NDST1: variants seen among roughly 807,000 people sequenced by gnomAD.
NDST1 encodes bifunctional heparan sulfate N-deacetylase/N-sulfotransferase 1.
NDST1 carries 35 observed loss-of-function variants against 92.8 expected under a neutral mutation model. The observed-to-expected ratio is 0.38, with a 90% confidence interval of 0.29 to 0.50. NDST1 has a LOEUF of 0.50. Ranked by LOEUF, NDST1 falls within the 20% of genes least tolerant of loss-of-function variation. The pLI, the probability that NDST1 is intolerant of heterozygous loss-of-function variation, is 0.94. For synonymous variants in NDST1, 493 were observed against 500.3 expected (o/e 0.99, Z 0.19); for missense variants, 822 against 1,182.7 (o/e 0.69, Z 4.47).
intron 1 of NDST1, among the ~76,000 whole-genome samples, chr5:150,513,414 C>G (rs1581350258): frequency 6.6e-6 from 1 of 152,152 alleles, no homozygotes; most frequent in East Asian, 1.9e-4. Flanking sequence ...TCGCTCGAAG[C>G]TTGAACCCAG....
At chr5:150,499,839 T>C (rs899002463) in intron 1 of NDST1, among the ~76,000 whole-genome samples, 2 of 152,148 alleles carry the variant, frequency 1.3e-5, no homozygotes, top group African/African-American at 4.8e-5. Flanking sequence ...CTTACTCTCA[T>C]GGTGGGCTTG....
At position 150,521,434 on chromosome 5, in the gene NDST1, G is replaced by A. The variant is rs199947268; in HGVS notation, c.180G>A (p.Pro60=). The A allele has an allele frequency of 1.2e-5, 19 of 1,613,042 alleles. No homozygotes were observed. In the Admixed American group the frequency reaches 1.3e-4, roughly 11 times the overall value. ...DAPEPDCGDP[P]PVAPSRLLPL... ...CCGAGCCTGACTGCGGGGACCCGCC[G>A]CCTGTGGCCCCCAGTCGCCTGCTGC... is the stretch of plus-strand genomic sequence containing the variant. Residue 60 remains proline, a synonymous_variant, in exon 2 of 15, where the codon CCG becomes CCA. Transcript: ENST00000261797. The surrounding 1 kb of genome is among the most constrained non-coding windows in gnomAD (Gnocchi z 5.9).
upstream of NDST1, among the ~76,000 whole-genome samples, chr5:150,503,378 G>T (rs746224779): frequency 6.6e-6 from 1 of 152,192 alleles, no homozygotes; most frequent in South Asian, 2.1e-4. Context: ...GGAGGTGGAG[G>T]TTGCTTGTGG....
Position 150,517,771 on chromosome 5 carries a change from C to A in NDST1, c.-387-3097C>A, listed in dbSNP as rs541889225. On this transcript the variant is annotated intron_variant, in intron 1 of 14. Transcript: ENST00000261797. ...TCCTGAGACTCTGAGCTGCATCATT[C>A]ACACTCTGAAAGATTGTTAATCTGA... is the stretch of plus-strand genomic sequence containing the variant. Among the ~76,000 whole-genome samples the A allele has an allele frequency of 3.9e-5, 6 of 152,362 alleles. No individual in the cohort carries two copies. The South Asian group carries it at 1.2e-3, about 32-fold the overall frequency.
intron 1 of NDST1, among the ~76,000 whole-genome samples, chr5:150,500,873 G>T (rs1753198393): frequency 6.6e-6 from 1 of 152,214 alleles, no homozygotes; most frequent in Admixed American, 6.5e-5. Flanking sequence ...GCTGGGCTGG[G>T]ACCCCAGGTC....
chr5:150,525,303 G>A (rs192830790), intron 2 of NDST1, among the ~76,000 whole-genome samples: 1 of 152,346 alleles, frequency 6.6e-6, no homozygotes, highest in African/African-American at 2.4e-5. Flanking sequence ...GGATGGCTGG[G>A]CAGCTGACTG....
Position 150,521,120 on chromosome 5 carries a change from C to T in NDST1, c.-135C>T. 2 of 770,938 alleles carry T rather than the reference C, an allele frequency of 2.6e-6. No homozygotes were observed. The highest frequency in any genetic ancestry group is 4.1e-6 in the Non-Finnish European group (2 of 487,880). 47.8% of individuals were successfully genotyped at this position (770,938 alleles called of 1,614,324 possible). A position where few individuals can be genotyped will look rare whatever the true frequency, so the allele number is the denominator to read the frequency against. The stretch of plus-strand genomic sequence containing the variant: ...GGGCCCAGATCCTCCACTCCCAGTG[C>T]CCCACAAGGGCGTCGCTTCCTAAGT... On this transcript the variant is annotated 5_prime_UTR_variant, in exon 2 of 15. Transcript: ENST00000261797. This position sits in a 1 kb window ranked among gnomAD's most constrained non-coding sequence, Gnocchi z 5.9.
At chr5:150,524,950 A>C (rs970893260) in intron 2 of NDST1, among the ~76,000 whole-genome samples, 1 of 152,236 alleles carries the variant, frequency 6.6e-6, no homozygotes, top group African/African-American at 2.4e-5. Context: ...TGTTGTTTCT[A>C]ACCCAGCCAC....
Position 150,543,075 on chromosome 5 carries a change from C to G in NDST1, c.1970+104C>G, listed in dbSNP as rs144785147. On this transcript the variant is annotated intron_variant, in intron 10 of 14. Coordinates refer to ENST00000261797, the MANE Select transcript of NDST1 (RefSeq NM_001543.5). The stretch of plus-strand genomic sequence containing the variant: ...GAAGCAGCTGGAGCTTGCTCACACA[C>G]AGCTGTCATTCCTGTAAACAGGGAC... The G allele has an allele frequency of 1.3e-4, 195 of 1,455,108 alleles. No homozygotes were observed. In the East Asian group the frequency reaches 4.3e-3, roughly 32 times the overall value. The allele number at this position is 1,455,108 out of a possible 1,614,324, so 90.1% of individuals were successfully genotyped here. A position where few individuals can be genotyped will look rare whatever the true frequency, so the allele number is the denominator to read the frequency against.
intron 14 of NDST1, chr5:150,552,678 A>T (rs964746379): frequency 1.6e-5 from 3 of 190,962 alleles, no homozygotes; most frequent in African/African-American, 7.1e-5. Flanking sequence ...TTGGGTTTTG[A>T]TTATTAATTC....
intron 12 of NDST1, among the ~76,000 whole-genome samples, chr5:150,548,657 C>T (rs924985062): frequency 2.0e-5 from 3 of 152,064 alleles, no homozygotes; most frequent in African/African-American, 7.2e-5. Context: ...CCACCTCTGC[C>T]TCCTGAGTAG....
intron 3 of NDST1, among the ~76,000 whole-genome samples, chr5:150,532,482 G>A (rs559950919): frequency 6.6e-6 from 1 of 152,220 alleles, no homozygotes; most frequent in Non-Finnish European, 1.5e-5. Context: ...CTCAGAGGGA[G>A]CCCATTATGT....
intron 1 of NDST1, among the ~76,000 whole-genome samples, chr5:150,501,397 CA>C (rs1027829219): frequency 3.9e-5 from 6 of 152,164 alleles, no homozygotes; most frequent in African/African-American, 1.4e-4. Flanking sequence ...CCCTCATGGC[CA>C]AAAGGAGAGG....
At position 150,553,239 on chromosome 5, in the gene NDST1, C is replaced by T; in HGVS notation, c.2556C>T (p.Tyr852=). Residue 852 remains tyrosine, a synonymous_variant, in exon 15 of 15, where the codon TAC becomes TAT. Coordinates refer to ENST00000261797, the MANE Select transcript of NDST1 (RefSeq NM_001543.5). This position sits in a 1 kb window ranked among gnomAD's most constrained non-coding sequence, Gnocchi z 4.2. ...CCCGAGCCTTCCTGAAGGACTATTA[C>T]CGGGACCACAACATCGAGCTCTCCA... is the stretch of plus-strand genomic sequence containing the variant. ...LDSRAFLKDY[Y]RDHNIELSKL... 6.2e-7 allele frequency: 1 copy of T among 1,613,684 alleles called. No individual in the cohort carries two copies. Among genetic ancestry groups the T allele is most frequent in the Admixed American group, 1.7e-5 (1 of 60,022 alleles).
At chr5:150,537,510 G>A (rs1466886902) in intron 6 of NDST1, among the ~76,000 whole-genome samples, 1 of 152,158 alleles carries the variant, frequency 6.6e-6, no homozygotes, top group Non-Finnish European at 1.5e-5. Flanking sequence ...AGCGCTCCCA[G>A]GCTTATTAGG....
intron 11 of NDST1, among the ~76,000 whole-genome samples, chr5:150,547,903 C>T (rs1451357540): frequency 2.0e-5 from 3 of 152,098 alleles, no homozygotes; most frequent in South Asian, 2.1e-4. Flanking sequence ...CAGCTGGTCT[C>T]GAACTCCTGA....
At chr5:150,517,461 A>T (rs1223708288) in intron 1 of NDST1, among the ~76,000 whole-genome samples, 1 of 152,088 alleles carries the variant, frequency 6.6e-6, no homozygotes, top group African/African-American at 2.4e-5. Flanking sequence ...ATTTGTTGCA[A>T]CAGATGACCC....
chr5:150,541,532 C>A, intron 8 of NDST1, 38 bp from the exon 9 acceptor site: 1 of 1,591,950 alleles, frequency 6.3e-7, no homozygotes, highest in Non-Finnish European at 8.6e-7. Context: ...TGACTGGGTT[C>A]TGGGGCGCCC....
chr5:150,501,442 T>C (rs772811730), intron 1 of NDST1, among the ~76,000 whole-genome samples: 2 of 152,150 alleles, frequency 1.3e-5, no homozygotes, highest in African/African-American at 2.4e-5. Context: ...CGTAAAGTCT[T>C]GTCATCCATT....
Sources: allele counts gnomAD v4.1 joint callset (sites outside exome capture counted in the v4.1 genomes callset), GRCh38; gene constraint gnomAD v4.1.1; non-coding constraint Gnocchi (gnomAD v3.1); transcripts MANE v1.5; gene names NCBI Gene and HGNC (gene_info 2026-07-23, HGNC 2026-07-21).